Variants in ARHGAP44 observed in about 807,000 individuals in gnomAD.
ARHGAP44 encodes the protein rho GTPase-activating protein 44.
Under a neutral mutation model 106.8 loss-of-function variants are expected in ARHGAP44, and 43 were observed. The observed-to-expected ratio is 0.40, with a 90% CI of 0.32 to 0.52. The LOEUF is 0.52. ARHGAP44 is among the 20% of genes least tolerant of loss of function. The probability of loss-of-function intolerance (pLI) is 0.48; values close to 1 mark genes in which losing one functional copy is unlikely to be tolerated. For synonymous variants in ARHGAP44, 439 were observed against 410.3 expected (o/e 1.07, Z -0.85); for missense variants, 866 against 1,050.5 (o/e 0.82, Z 2.43).
chr17:12,896,784 C>T (rs950276870), intron 3 of ARHGAP44, among the ~76,000 whole-genome samples: 1 of 152,146 alleles, frequency 6.6e-6, no homozygotes, highest in East Asian at 1.9e-4. Context: ...ACTGGGAAGA[C>T]GGCAGGGGCG....
intron 16 of ARHGAP44, among the ~76,000 whole-genome samples, chr17:12,966,986 T>A (rs1214077429): frequency 6.6e-6 from 1 of 152,168 alleles, no homozygotes; most frequent in Non-Finnish European, 1.5e-5. Flanking sequence ...CCTATTCTTC[T>A]TGGAGCTGGG....
In ARHGAP44 at chr17:12,990,381, AC is replaced by A. The variant is rs1333613244; in HGVS notation, c.*211del. ...TTTTGTTTGTTCCTTTCGGGTGGTG[AC>A]TTCGGCCTTTTGTTTGACCTTTGCC... On this transcript the variant is annotated 3_prime_UTR_variant, in exon 21 of 21. Transcript: ENST00000379672. 6.7e-6 allele frequency: 4 copies of A among 596,292 alleles called. No homozygotes were observed. Among genetic ancestry groups the A allele is most frequent in the Non-Finnish European group, 5.6e-6 (2 of 353,992 alleles). 36.9% of individuals were successfully genotyped at this position (596,292 alleles called of 1,614,324 possible).
chr17:12,891,533 T>G (rs1312114970), intron 1 of ARHGAP44, among the ~76,000 whole-genome samples: 1 of 152,122 alleles, frequency 6.6e-6, no homozygotes, highest in Non-Finnish European at 1.5e-5. Flanking sequence ...AGTGACAGCA[T>G]TAATTCATTG....
intron 1 of ARHGAP44, among the ~76,000 whole-genome samples, chr17:12,872,433 G>A (rs1383253970): frequency 8.6e-6 from 1 of 116,344 alleles, no homozygotes; most frequent in Non-Finnish European, 1.8e-5. Flanking sequence ...TTTTCTTGGA[G>A]TACATTCTCA....
intron 1 of ARHGAP44, among the ~76,000 whole-genome samples, chr17:12,814,017 C>T (rs992437741): frequency 2.6e-5 from 4 of 152,106 alleles, no homozygotes; most frequent in East Asian, 1.9e-4. Flanking sequence ...TCGGGGTTAT[C>T]GATTATGTTT....
At chr17:12,969,637 C>A (rs139908320) in intron 16 of ARHGAP44, among the ~76,000 whole-genome samples, 241 of 152,266 alleles carry the variant, frequency 1.6e-3, no homozygotes, top group Admixed American at 3.5e-3. Context: ...AGATACTAGG[C>A]CTTTATATTC....
intron 10 of ARHGAP44, among the ~76,000 whole-genome samples, chr17:12,947,531 G>A (rs1012229222): frequency 2.0e-5 from 3 of 152,080 alleles, no homozygotes; most frequent in East Asian, 1.9e-4. Flanking sequence ...GGCTTCACTC[G>A]TGCTCACTGC....
intron 1 of ARHGAP44, among the ~76,000 whole-genome samples, chr17:12,885,767 T>TA (rs1851612854): frequency 6.6e-6 from 1 of 152,216 alleles, no homozygotes; most frequent in African/African-American, 2.4e-5. Flanking sequence ...ACAATTCTTA[T>TA]ATATGTGAGT....
chr17:12,789,587 C>T lies in ARHGAP44; in HGVS notation c.-252C>T. On this transcript the variant is annotated 5_prime_UTR_variant, in exon 1 of 21. Transcript: ENST00000379672. ...GGAGCGGGCCGGTGCCGAGGACGGC[C>T]CCAGGCATTGCTCTGCCCCGGGCAT... 1 of 275,236 alleles carries T rather than the reference C, an allele frequency of 3.6e-6. No individual in the cohort carries two copies. 17.0% of individuals were successfully genotyped at this position (275,236 alleles called of 1,614,324 possible). A position where few individuals can be genotyped will look rare whatever the true frequency, so the allele number is the denominator to read the frequency against.
At chr17:12,808,535 G>A (rs186324250) in intron 1 of ARHGAP44, among the ~76,000 whole-genome samples, 1 of 152,346 alleles carries the variant, frequency 6.6e-6, no homozygotes, top group East Asian at 1.9e-4. Context: ...CATAGGGCTT[G>A]CATCCTCTGA....
rs565513029 is a variant in ARHGAP44, at chr17:12,984,401, G to C, written c.1940-130G>C. 3,147 of 959,756 alleles carry C rather than the reference G, an allele frequency of 3.3e-3. 17 individuals are homozygous for C. The highest frequency in any genetic ancestry group is 3.8e-3 in the Non-Finnish European group (2,641 of 695,626). The allele number at this position is 959,756 out of a possible 1,614,324, so 59.5% of individuals were successfully genotyped here. A position where few individuals can be genotyped will look rare whatever the true frequency, so the allele number is the denominator to read the frequency against. On this transcript the variant is annotated intron_variant, in intron 19 of 20. Transcript: ENST00000379672. ...AAGAGGCCGGGGGGCAGGGCAGGGA[G>C]GTGTGGGTGGGTGGCGAGGGGCAGG...
chr17:12,961,550 C>T (rs1381007151), intron 16 of ARHGAP44, among the ~76,000 whole-genome samples: 2 of 152,176 alleles, frequency 1.3e-5, no homozygotes, highest in African/African-American at 2.4e-5. Flanking sequence ...GCCTGACCAA[C>T]AGGCAGAAAC....
At chr17:12,885,411 C>G (rs959361335) in intron 1 of ARHGAP44, among the ~76,000 whole-genome samples, 1 of 150,658 alleles carries the variant, frequency 6.6e-6, no homozygotes, top group Non-Finnish European at 1.5e-5. Flanking sequence ...AGTGTATGTT[C>G]AAGTTTATGA....
chr17:12,932,055 C>T (rs2038419681), intron 7 of ARHGAP44, among the ~76,000 whole-genome samples: 1 of 151,980 alleles, frequency 6.6e-6, no homozygotes, highest in African/African-American at 2.4e-5. Flanking sequence ...ATTTTTAGGT[C>T]AGAGTCTATG....
chr17:12,943,491 G>T (rs774008023), intron 8 of ARHGAP44, 97 bp from the exon 9 acceptor site: 4 of 1,075,076 alleles, frequency 3.7e-6, no homozygotes, highest in African/African-American at 1.5e-5. Context: ...ACCTCCTTCC[G>T]CATGTGGAAG....
chr17:12,919,743 G>T lies in ARHGAP44; in HGVS notation c.388-12G>T, dbSNP rs375615128. The T allele has an allele frequency of 3.9e-5, 63 of 1,606,820 alleles. No homozygotes were observed. The highest frequency in any genetic ancestry group is 2.4e-4 in the Admixed American group (14 of 59,350). ...TCAGTTTAATTGTATCTTTTATGTTGTGTAACCACAGGTGGAAATCCCAAA... is the reference window on the plus strand; with the variant it reads ...TCAGTTTAATTGTATCTTTTATGTTTTGTAACCACAGGTGGAAATCCCAAA... On this transcript the variant is annotated splice_polypyrimidine_tract_variant and intron_variant, in intron 5 of 20. Coordinates refer to ENST00000379672, the MANE Select transcript of ARHGAP44 (RefSeq NM_014859.6).
chr17:12,837,520 G>A (rs926509129), intron 1 of ARHGAP44, among the ~76,000 whole-genome samples: 5 of 152,084 alleles, frequency 3.3e-5, no homozygotes, highest in Non-Finnish European at 7.4e-5. Flanking sequence ...TTGACCTGAG[G>A]AAATTTAGGA....
chr17:12,963,502 T>C (rs887114547), intron 16 of ARHGAP44, among the ~76,000 whole-genome samples: 21 of 151,600 alleles, frequency 1.4e-4, no homozygotes, highest in African/African-American at 5.1e-4. Flanking sequence ...CATTCTGGAG[T>C]CTTCAACCCA....
chr17:12,852,567 C>G (rs2035784546), intron 1 of ARHGAP44, among the ~76,000 whole-genome samples: 2 of 141,144 alleles, frequency 1.4e-5, no homozygotes, highest in South Asian at 2.3e-4. Flanking sequence ...TTTTTGATGG[C>G]ATCTTGCTCT....
Sources: gnomAD v4.1 joint callset for allele counts (sites outside exome capture counted in the v4.1 genomes callset) on GRCh38, gnomAD v4.1.1 for gene constraint, MANE v1.5 for transcripts, NCBI Gene and HGNC (gene_info 2026-07-23, HGNC 2026-07-21) for gene names.